TMEM132B: variants seen among roughly 807,000 people sequenced by gnomAD.
The protein encoded by TMEM132B is transmembrane protein 132B.
In TMEM132B, 18 loss-of-function variants were observed where a neutral mutation model predicts 90.8. The observed-to-expected ratio is 0.20, with a 90% confidence interval of 0.14 to 0.29. The LOEUF (loss-of-function observed/expected upper bound fraction) is 0.29. TMEM132B is among the 10% of genes least tolerant of loss of function. The pLI is 1.00. For synonymous variants in TMEM132B, 504 were observed against 523.3 expected, an observed-to-expected ratio of 0.96 and a Z score of 0.50; for missense variants, 1,096 against 1,326.8, an observed-to-expected ratio of 0.83 and a Z score of 2.70.
At chr12:125,238,708 C>T (rs564911441) in intron 1 of TMEM132B, among the ~76,000 whole-genome samples, 109 of 152,064 alleles carry the variant, frequency 7.2e-4, no homozygotes, top group African/African-American at 2.6e-3. Flanking sequence ...TCAGCACCGA[C>T]GTTTCACCCA....
intron 1 of TMEM132B, among the ~76,000 whole-genome samples, chr12:125,193,745 G>C (rs1185333574): frequency 1.3e-5 from 2 of 152,196 alleles, no homozygotes; most frequent in Non-Finnish European, 2.9e-5. Context: ...TTGAACAGAG[G>C]TATAAATCGG....
intron 1 of TMEM132B, among the ~76,000 whole-genome samples, chr12:125,297,142 G>A (rs993922132): frequency 1.1e-5 from 1 of 87,896 alleles, no homozygotes; most frequent in African/African-American, 3.5e-5. Context: ...GGGTTTCCTT[G>A]GGGGGGTCCT....
At chr12:125,315,850 T>A (rs1196915276) in intron 1 of TMEM132B, among the ~76,000 whole-genome samples, 1 of 152,204 alleles carries the variant, frequency 6.6e-6, no homozygotes, top group Admixed American at 6.5e-5. Flanking sequence ...GCCCTTGACG[T>A]CTGCCCAGCA....
At chr12:125,376,510 C>A (rs754675896) in intron 2 of TMEM132B, among the ~76,000 whole-genome samples, 1 of 152,210 alleles carries the variant, frequency 6.6e-6, no homozygotes, top group Non-Finnish European at 1.5e-5. Context: ...CATTTACACT[C>A]CTCCTGCCCA....
At chr12:125,575,761 C>T (rs1566078660) in intron 4 of TMEM132B, among the ~76,000 whole-genome samples, 1 of 151,908 alleles carries the variant, frequency 6.6e-6, no homozygotes, top group African/African-American at 2.4e-5. Flanking sequence ...ATGGACCCAA[C>T]TTTGTTCTTT....
At chr12:125,555,820 C>T (rs986014403) in intron 4 of TMEM132B, among the ~76,000 whole-genome samples, 1 of 152,082 alleles carries the variant, frequency 6.6e-6, no homozygotes, top group Non-Finnish European at 1.5e-5. Flanking sequence ...ACAGTTTCTC[C>T]GTTGACGTTT....
chr12:125,545,322 T>C (rs1180469462), intron 4 of TMEM132B, among the ~76,000 whole-genome samples: 1 of 152,190 alleles, frequency 6.6e-6, no homozygotes, highest in Non-Finnish European at 1.5e-5. Context: ...TGGTATTCTG[T>C]ACAGTAGGAA....
At chr12:125,356,811 C>T (rs143191393) in intron 2 of TMEM132B, among the ~76,000 whole-genome samples, 45 of 152,358 alleles carry the variant, frequency 3.0e-4, no homozygotes, top group African/African-American at 1.0e-3. Flanking sequence ...AGGCATGCTC[C>T]TACCCAGGGC....
At chr12:125,217,905 T>G (rs779658075) in intron 1 of TMEM132B, among the ~76,000 whole-genome samples, 1 of 152,216 alleles carries the variant, frequency 6.6e-6, no homozygotes, top group Non-Finnish European at 1.5e-5. Flanking sequence ...GCAGCAGTTG[T>G]TCGTAAGAGG....
intron 4 of TMEM132B, among the ~76,000 whole-genome samples, chr12:125,580,771 C>G (rs1484854035): frequency 6.6e-6 from 1 of 152,212 alleles, no homozygotes; most frequent in African/African-American, 2.4e-5. Context: ...TCACTGACAT[C>G]ACCCTAACGT....
At chr12:125,605,222 C>A (rs74983849) in intron 5 of TMEM132B, among the ~76,000 whole-genome samples, 3,658 of 152,266 alleles carry the variant, frequency 0.024, 66 homozygotes, top group Middle Eastern at 0.044. Flanking sequence ...TCCCTTTCTT[C>A]CTGATAATTG....
At chr12:125,350,397 GAATT>G (rs144874402) in intron 2 of TMEM132B, 54 bp downstream of exon 2, 1 of 1,528,050 alleles carries the variant, frequency 6.5e-7, no homozygotes, top group African/African-American at 1.4e-5. Flanking sequence ...AGTAATCAAT[GAATT>G]GTCAATGAAT....
At chr12:125,312,332 C>T (rs1346648607) in intron 1 of TMEM132B, among the ~76,000 whole-genome samples, 2 of 152,238 alleles carry the variant, frequency 1.3e-5, no homozygotes, top group African/African-American at 4.8e-5. Context: ...TTTGATGCAT[C>T]CCCATCAGTA....
At position 125,299,091 on chromosome 12, in the gene TMEM132B, C is replaced by G. The variant is rs182544362; in HGVS notation, c.68-50361C>G. Reference sequence around the variant, plus strand: ...TGTTGCCCAGGCTGGCCTCAAACTCCGGGCTCAAGCGATCCTCCTGCATAG... The same window carrying G: ...TGTTGCCCAGGCTGGCCTCAAACTCGGGGCTCAAGCGATCCTCCTGCATAG... On this transcript the variant is annotated intron_variant, in intron 1 of 8. Transcript: ENST00000682704. Among the ~76,000 whole-genome samples, 94 of 152,282 alleles carry G rather than the reference C, an allele frequency of 6.2e-4. 1 individual carries two copies. The South Asian group carries it at 0.01, about 16-fold the overall frequency.
chr12:125,254,250 C>T (rs1405741565), intron 1 of TMEM132B, among the ~76,000 whole-genome samples: 1 of 151,898 alleles, frequency 6.6e-6, no homozygotes, highest in Non-Finnish European at 1.5e-5. Context: ...CATTGCACTC[C>T]AGCCTGGGTC....
intron 3 of TMEM132B, among the ~76,000 whole-genome samples, chr12:125,436,340 T>C (rs4036452): frequency 0.55 from 83,791 of 151,950 alleles, 24,922 homozygotes; most frequent in African/African-American, 0.79. Flanking sequence ...CTGTTTGCCA[T>C]GCTCTCTTCC....
intron 5 of TMEM132B, among the ~76,000 whole-genome samples, chr12:125,618,630 G>T (rs1261460649): frequency 6.6e-6 from 1 of 152,088 alleles, no homozygotes; most frequent in Non-Finnish European, 1.5e-5. Context: ...TCTGCCCTTA[G>T]GATGGTTTCC....
At chr12:125,515,400 AAT>A (rs63030660) in intron 3 of TMEM132B, among the ~76,000 whole-genome samples, 65,027 of 121,828 alleles carry the variant, frequency 0.53, 16,320 homozygotes, top group East Asian at 0.86. Flanking sequence ...TTCTCTCACA[AAT>A]ACATTCAAAC....
At chr12:125,321,226 CT>C (rs1876418088) in intron 1 of TMEM132B, among the ~76,000 whole-genome samples, 3 of 152,304 alleles carry the variant, frequency 2.0e-5, no homozygotes, top group African/African-American at 7.2e-5. Context: ...TATGTGACAT[CT>C]CTCAATTTCG....
Sources: allele counts gnomAD v4.1 joint callset (sites outside exome capture counted in the v4.1 genomes callset), GRCh38; gene constraint gnomAD v4.1.1; transcripts MANE v1.5; gene names NCBI Gene and HGNC (gene_info 2026-07-23, HGNC 2026-07-21).